SIL1: variants seen among roughly 807,000 people sequenced by gnomAD.
SIL1 encodes nucleotide exchange factor SIL1.
Under a neutral mutation model 49.1 loss-of-function variants are expected in SIL1, and 40 were observed. That is an observed-to-expected ratio of 0.81 (90% CI 0.63 to 1.06). SIL1 has a LOEUF of 1.06. Among genes scored for constraint, SIL1 ranks in the 50% least tolerant of loss-of-function variants. The pLI, the probability that SIL1 is intolerant of heterozygous loss-of-function variation, is 0.00. For synonymous variants in SIL1, 253 were observed against 250.8 expected, an observed-to-expected ratio of 1.01 and a Z score of -0.08; for missense variants, 500 against 572.6, an observed-to-expected ratio of 0.87 and a Z score of 1.29.
At position 139,027,365 on chromosome 5, in the gene SIL1, C is replaced by A. The variant is rs1480112096; in HGVS notation, c.454-373G>T. Among the ~76,000 whole-genome samples the A allele has an allele frequency of 2.6e-5, 4 of 152,340 alleles. No homozygotes were observed. The East Asian group carries it at 7.7e-4, about 29-fold the overall frequency. On this transcript the variant is annotated intron_variant, in intron 5 of 9. Coordinates refer to ENST00000394817, the MANE Select transcript of SIL1 (RefSeq NM_022464.5). ...ACAGCTGAGACCTAAGGTAGAATAA[C>A]CCACACCCTACTTCTCCACTTCTCA...
At chr5:139,151,332 T>C (rs556867052) in intron 1 of SIL1, among the ~76,000 whole-genome samples, 1 of 152,300 alleles carries the variant, frequency 6.6e-6, no homozygotes, top group South Asian at 2.1e-4. Context: ...CGTGTACTAG[T>C]GCAAGGTGCT....
At chr5:139,044,308 C>A (rs1449303914) in intron 4 of SIL1, among the ~76,000 whole-genome samples, 1 of 152,132 alleles carries the variant, frequency 6.6e-6, no homozygotes, top group African/African-American at 2.4e-5. Context: ...CAAGAGGGAG[C>A]TAAGTATTCA....
At chr5:139,155,448 T>TGAGAGAGTGAGAGAGAGA (rs1554136155) in intron 1 of SIL1, 1 of 125,910 alleles carries the variant, frequency 7.9e-6, no homozygotes, top group Non-Finnish European at 1.8e-5. Context: ...GTACACAGAG[T>TGAGAGAGTGAGAGAGAGA]GAGAGAGAGA....
intron 1 of SIL1, among the ~76,000 whole-genome samples, chr5:139,144,555 A>T (rs1751155085): frequency 6.6e-6 from 1 of 152,104 alleles, no homozygotes; most frequent in Admixed American, 6.5e-5. Context: ...GTAAAAAGGG[A>T]TTTTTAAAGG....
chr5:139,138,658 TA>T (rs1436511392), intron 1 of SIL1, among the ~76,000 whole-genome samples: 2 of 152,216 alleles, frequency 1.3e-5, no homozygotes, highest in African/African-American at 4.8e-5. Flanking sequence ...GACTTGATAG[TA>T]ACTATTTAGT....
At chr5:139,059,912 T>C (rs1769547336) in intron 3 of SIL1, among the ~76,000 whole-genome samples, 1 of 152,212 alleles carries the variant, frequency 6.6e-6, no homozygotes, top group Non-Finnish European at 1.5e-5. Context: ...TGTTCTAGTA[T>C]ACAAATAAAC....
At chr5:139,166,420 A>C (rs1166765635) in intron 1 of SIL1, among the ~76,000 whole-genome samples, 2 of 152,208 alleles carry the variant, frequency 1.3e-5, no homozygotes, top group Non-Finnish European at 2.9e-5. Context: ...CCAGAGCTTT[A>C]GAAGGTCAAG....
chr5:139,004,987 G>C (rs1768077458), intron 7 of SIL1, among the ~76,000 whole-genome samples: 1 of 152,196 alleles, frequency 6.6e-6, no homozygotes, highest in Non-Finnish European at 1.5e-5. Context: ...TGCTGGGGCA[G>C]GGGAGTATTG....
At chr5:139,053,726 AAG>A (rs989709034) in intron 3 of SIL1, among the ~76,000 whole-genome samples, 3 of 152,138 alleles carry the variant, frequency 2.0e-5, no homozygotes, top group African/African-American at 7.2e-5. Context: ...CTTTGTCCAG[AAG>A]AGTCTTCCCA....
At chr5:139,029,847 A>ATGTGTG (rs897347052) in intron 5 of SIL1, among the ~76,000 whole-genome samples, 9 of 150,752 alleles carry the variant, frequency 6.0e-5, no homozygotes, top group Non-Finnish European at 1.3e-4. Context: ...AGGCATGGTG[A>ATGTGTG]TGTGTGCCCA....
At chr5:139,186,259 C>T (rs141807453) in intron 1 of SIL1, among the ~76,000 whole-genome samples, 17 of 152,102 alleles carry the variant, frequency 1.1e-4, no homozygotes, top group Non-Finnish European at 2.1e-4. Flanking sequence ...TCTACAGGGC[C>T]GAACCCAAGA....
At chr5:139,187,758 A>G (rs1169108749) in intron 1 of SIL1, 1 of 152,238 alleles carries the variant, frequency 6.6e-6, no homozygotes, top group Non-Finnish European at 1.5e-5. Flanking sequence ...AGTGGGTGCC[A>G]TTGAAGGCTT....
At chr5:139,004,930 T>A (rs965962643) in intron 7 of SIL1, among the ~76,000 whole-genome samples, 1 of 152,282 alleles carries the variant, frequency 6.6e-6, no homozygotes, top group Non-Finnish European at 1.5e-5. Flanking sequence ...TAGAGTAGAA[T>A]GGTACTTACC....
intron 3 of SIL1, among the ~76,000 whole-genome samples, chr5:139,052,258 G>A (rs561072632): frequency 2.0e-5 from 3 of 152,134 alleles, no homozygotes; most frequent in Non-Finnish European, 2.9e-5. Context: ...CAGGGATATC[G>A]CACACCATGC....
At chr5:139,102,506 G>C (rs902789830) in intron 3 of SIL1, among the ~76,000 whole-genome samples, 20 of 148,198 alleles carry the variant, frequency 1.3e-4, no homozygotes, top group African/African-American at 4.9e-4. Context: ...AAAAAAGAGA[G>C]AGAGAGAGAG....
intron 7 of SIL1, among the ~76,000 whole-genome samples, chr5:138,961,364 C>A (rs941495316): frequency 6.6e-6 from 1 of 152,220 alleles, no homozygotes; most frequent in Non-Finnish European, 1.5e-5. Context: ...CTCCTGGTCT[C>A]AAGTTCCACT....
At chr5:139,157,746 T>C (rs997023029) in intron 1 of SIL1, among the ~76,000 whole-genome samples, 11 of 152,196 alleles carry the variant, frequency 7.2e-5, no homozygotes, top group African/African-American at 2.2e-4. Context: ...GCTGTGGCTA[T>C]GAAATCTTTG....
At chr5:139,097,670 G>T (rs1051506993) in intron 3 of SIL1, among the ~76,000 whole-genome samples, 7 of 151,782 alleles carry the variant, frequency 4.6e-5, no homozygotes, top group African/African-American at 1.7e-4. Flanking sequence ...TAGAGACACG[G>T]TTTCACCATA....
intron 7 of SIL1, among the ~76,000 whole-genome samples, chr5:138,964,637 A>G (rs1276552559): frequency 1.3e-5 from 2 of 152,224 alleles, no homozygotes; most frequent in African/African-American, 2.4e-5. Context: ...CACTCGTAAA[A>G]TAGTTAATGT....
Sources: allele counts gnomAD v4.1 joint callset (sites outside exome capture counted in the v4.1 genomes callset), GRCh38; gene constraint gnomAD v4.1.1; transcripts MANE v1.5; gene names NCBI Gene and HGNC (gene_info 2026-07-23, HGNC 2026-07-21).